ADK: variants seen among roughly 807,000 people sequenced by gnomAD.
ADK encodes adenosine kinase, also known as N6,N6-dimethyladenosine kinase.
In ADK, 24 loss-of-function variants were observed where a neutral mutation model predicts 44.7. That is an observed-to-expected ratio of 0.54 (90% CI 0.39 to 0.76). ADK has a LOEUF of 0.76. Among genes scored for constraint, ADK ranks in the 30% least tolerant of loss-of-function variants. The probability of loss-of-function intolerance (pLI) is 0.00; values close to 1 mark genes in which losing one functional copy is unlikely to be tolerated. For synonymous variants in ADK, 128 were observed against 142.6 expected (o/e 0.90, Z 0.73); for missense variants, 321 against 425.1 (o/e 0.76, Z 2.15).
chr10:74,394,317 A>G lies in ADK; in HGVS notation c.446+4A>G, dbSNP rs1296411495. ...CATGCATCACTGGTGACAACAGGTC[A>G]GTGTAATTCCAAGGGAACCACTATA... On this transcript the variant is annotated splice_donor_region_variant and intron_variant, in intron 5 of 10. Transcript: ENST00000539909. 12 of 1,613,516 alleles carry G rather than the reference A, an allele frequency of 7.4e-6. No individual in the cohort carries two copies. The highest frequency in any genetic ancestry group is 1.0e-5 in the Non-Finnish European group (12 of 1,179,866).
chr10:74,229,622 C>G (rs1050628920), intron 3 of ADK, among the ~76,000 whole-genome samples: 1 of 152,048 alleles, frequency 6.6e-6, no homozygotes, highest in Non-Finnish European at 1.5e-5. Context: ...TGGTCTTGAT[C>G]TCCTGACCTC....
chr10:74,640,893 G>C (rs1024289724), intron 9 of ADK, among the ~76,000 whole-genome samples: 1 of 152,166 alleles, frequency 6.6e-6, no homozygotes, highest in Non-Finnish European at 1.5e-5. Context: ...ATTTCATAGA[G>C]ACCATTCTCT....
At chr10:74,278,821 A>G (rs540878932) in intron 3 of ADK, among the ~76,000 whole-genome samples, 1 of 152,328 alleles carries the variant, frequency 6.6e-6, no homozygotes, top group Admixed American at 6.5e-5. Context: ...TACAGATGTT[A>G]GCCATCACAC....
At chr10:74,645,411 A>G (rs1854019894) in intron 9 of ADK, among the ~76,000 whole-genome samples, 1 of 152,172 alleles carries the variant, frequency 6.6e-6, no homozygotes, top group African/African-American at 2.4e-5. Context: ...GTAAAGTGCA[A>G]TATTGAACAA....
intron 1 of ADK, among the ~76,000 whole-genome samples, chr10:74,185,558 C>T (rs1591821396): frequency 6.8e-6 from 1 of 147,822 alleles, no homozygotes; most frequent in South Asian, 2.1e-4. Flanking sequence ...GTCGGCCGGG[C>T]GCGGTGGCTC....
At chr10:74,390,504 GT>G in intron 4 of ADK, among the ~76,000 whole-genome samples, 1 of 152,030 alleles carries the variant, frequency 6.6e-6, no homozygotes, top group Admixed American at 6.6e-5. Context: ...CAACACATTT[GT>G]GTTCTCTCTT....
intron 10 of ADK, among the ~76,000 whole-genome samples, chr10:74,696,514 C>T (rs984167436): frequency 2.6e-5 from 4 of 151,434 alleles, no homozygotes; most frequent in South Asian, 2.1e-4. Flanking sequence ...TACAGGCACC[C>T]GCCACCACCC....
chr10:74,334,502 T>C (rs915954262), intron 4 of ADK, among the ~76,000 whole-genome samples: 1 of 152,222 alleles, frequency 6.6e-6, no homozygotes, highest in Non-Finnish European at 1.5e-5. Flanking sequence ...TTCTTCTGTT[T>C]TGTCATAAGT....
chr10:74,237,678 A>G (rs1357891578), intron 3 of ADK, among the ~76,000 whole-genome samples: 1 of 152,230 alleles, frequency 6.6e-6, no homozygotes, highest in East Asian at 1.9e-4. Context: ...TTGAAAGTCA[A>G]AATTACTTCT....
intron 3 of ADK, among the ~76,000 whole-genome samples, chr10:74,227,153 C>A (rs1339140392): frequency 6.6e-6 from 1 of 152,046 alleles, no homozygotes; most frequent in Admixed American, 6.6e-5. Flanking sequence ...ACAAAAAAAT[C>A]TTTTTGTGTT....
At chr10:74,459,255 T>C (rs1387535869) in intron 6 of ADK, among the ~76,000 whole-genome samples, 1 of 151,028 alleles carries the variant, frequency 6.6e-6, no homozygotes, top group Admixed American at 6.6e-5. Flanking sequence ...CACTCCAGCC[T>C]GGGCAACAGA....
chr10:74,414,717 A>AG (rs1196232259), intron 6 of ADK, among the ~76,000 whole-genome samples: 4 of 152,214 alleles, frequency 2.6e-5, no homozygotes, highest in Non-Finnish European at 5.9e-5. Flanking sequence ...TCTCAAAAAA[A>AG]AAGAAAAGAA....
At chr10:74,274,419 C>T (rs1482003378) in intron 3 of ADK, among the ~76,000 whole-genome samples, 3 of 151,720 alleles carry the variant, frequency 2.0e-5, no homozygotes, top group Non-Finnish European at 2.9e-5. Context: ...AAAATTAGCT[C>T]GTGGTGGTGG....
chr10:74,503,385 A>G (rs1229746024), intron 6 of ADK, among the ~76,000 whole-genome samples: 1 of 152,224 alleles, frequency 6.6e-6, no homozygotes, highest in Admixed American at 6.5e-5. Flanking sequence ...GAGATTATAT[A>G]GGAAAGATAG....
At chr10:74,331,653 T>A (rs1841222196) in intron 4 of ADK, among the ~76,000 whole-genome samples, 1 of 151,934 alleles carries the variant, frequency 6.6e-6, no homozygotes. Context: ...CCCAGCTAAT[T>A]CTTTGTATTT....
At chr10:74,482,922 G>A (rs1316573689) in intron 6 of ADK, among the ~76,000 whole-genome samples, 3 of 152,250 alleles carry the variant, frequency 2.0e-5, no homozygotes, top group South Asian at 2.1e-4. Context: ...AAGGGCTGGC[G>A]TTGAATGCCT....
chr10:74,422,895 A>G (rs982858653), intron 6 of ADK, among the ~76,000 whole-genome samples: 8 of 152,048 alleles, frequency 5.3e-5, no homozygotes, highest in African/African-American at 1.7e-4. Context: ...TGGCAATTCT[A>G]TGGTTTCCCA....
intron 9 of ADK, among the ~76,000 whole-genome samples, chr10:74,666,367 G>C (rs1248619645): frequency 6.6e-6 from 1 of 152,152 alleles, no homozygotes; most frequent in Non-Finnish European, 1.5e-5. Flanking sequence ...AAACAAATCT[G>C]TTATCAACTG....
intron 10 of ADK, among the ~76,000 whole-genome samples, chr10:74,694,369 A>G (rs1856099966): frequency 6.6e-6 from 1 of 151,598 alleles, no homozygotes; most frequent in Non-Finnish European, 1.5e-5. Flanking sequence ...TGGGCAACCT[A>G]GTGAGGCCCC....
Sources: gnomAD v4.1 joint callset for allele counts (sites outside exome capture counted in the v4.1 genomes callset) on GRCh38, gnomAD v4.1.1 for gene constraint, MANE v1.5 for transcripts, NCBI Gene and HGNC (gene_info 2026-07-23, HGNC 2026-07-21) for gene names.